Variants in NPAS3 observed in about 807,000 individuals in gnomAD.
The protein encoded by NPAS3 is neuronal PAS domain-containing protein 3.
In NPAS3, 14 loss-of-function variants were observed where a neutral mutation model predicts 73.1. The ratio of observed to expected loss-of-function variants is 0.19; its 90% CI spans 0.13 to 0.30. NPAS3 has a LOEUF of 0.30. NPAS3 is among the 10% of genes least tolerant of loss of function. The pLI, the probability that NPAS3 is intolerant of heterozygous loss-of-function variation, is 1.00. For missense variants in NPAS3, 1,096 were observed against 1,250.0 expected, an observed-to-expected ratio of 0.88 and a Z score of 1.86; for synonymous variants, 620 against 541.5, an observed-to-expected ratio of 1.14 and a Z score of -2.01.
At chr14:33,418,657 A>G (rs1224334182) in intron 4 of NPAS3, among the ~76,000 whole-genome samples, 1 of 126,798 alleles carries the variant, frequency 7.9e-6, no homozygotes, top group African/African-American at 3.4e-5. Flanking sequence ...AATATCCTCC[A>G]TTTTTTATTT....
At chr14:32,936,448 C>G (rs1027696339), upstream of NPAS3, among the ~76,000 whole-genome samples, 2 of 152,070 alleles carry the variant, frequency 1.3e-5, no homozygotes, top group Non-Finnish European at 2.9e-5. Context: ...GGGACTCTTT[C>G]AAACATGAAA....
rs557692230 is a variant in NPAS3, at chr14:33,297,324, A to G, written c.386-69862A>G. 1.2e-4 allele frequency among the ~76,000 whole-genome samples: 18 copies of G among 152,330 alleles called. No individual in the cohort carries two copies. In the East Asian group the frequency reaches 3.3e-3, roughly 28 times the overall value. On this transcript the variant is annotated intron_variant, in intron 3 of 11. Coordinates refer to ENST00000356141, the Ensembl canonical transcript of NPAS3. ...TACAAAACATTTAGATTTATGCTAT[A>G]TAATGTATCATAAGCTCCCAGTAGA...
intron 3 of NPAS3, among the ~76,000 whole-genome samples, chr14:33,318,685 C>T (rs1375157473): frequency 6.6e-6 from 1 of 151,982 alleles, no homozygotes; most frequent in African/African-American, 2.4e-5. Context: ...CTTTATTATA[C>T]TTCTGAAATT....
chr14:33,389,932 G>T (rs1454446404), intron 4 of NPAS3, among the ~76,000 whole-genome samples: 1 of 152,114 alleles, frequency 6.6e-6, no homozygotes, highest in Non-Finnish European at 1.5e-5. Context: ...GTCGCATTCT[G>T]ATAGTGACAT....
intron 10 of NPAS3, 72 bp downstream of exon 10, chr14:33,794,116 A>C: frequency 7.6e-7 from 1 of 1,320,844 alleles, no homozygotes; most frequent in African/African-American, 1.4e-5. Context: ...GCTATGGTTA[A>C]TAGCCGACAT....
At chr14:33,206,969 G>A (rs2046842987) in intron 2 of NPAS3, among the ~76,000 whole-genome samples, 1 of 152,070 alleles carries the variant, frequency 6.6e-6, no homozygotes, top group Non-Finnish European at 1.5e-5. Flanking sequence ...GACTCTTGTT[G>A]CTGTTAATGG....
At chr14:32,977,921 T>A (rs1038165143) in intron 1 of NPAS3, among the ~76,000 whole-genome samples, 7 of 152,344 alleles carry the variant, frequency 4.6e-5, no homozygotes, top group Middle Eastern at 3.4e-3. Flanking sequence ...TAGGTCTGGG[T>A]AATTTGAAGA....
chr14:32,938,476 A>AAAGT (rs1380337048), upstream of NPAS3, among the ~76,000 whole-genome samples: 15 of 113,534 alleles, frequency 1.3e-4, no homozygotes, highest in Non-Finnish European at 1.7e-4. Flanking sequence ...AGAGAGAGAG[A>AAAGT]GAGAGAAATT....
At chr14:32,939,301 A>G (rs368874715), upstream of NPAS3, 2 of 729,136 alleles carry the variant, frequency 2.7e-6, no homozygotes, top group East Asian at 6.7e-5. Context: ...AAGAGAGGAA[A>G]AAAAATAGCA....
chr14:32,935,043 C>G, upstream of NPAS3: 1 of 1,217,706 alleles, frequency 8.2e-7, no homozygotes, highest in Non-Finnish European at 1.0e-6. Flanking sequence ...GCCCCCGCCC[C>G]GGGGTGCTGG....
At chr14:33,064,537 A>G (rs1186601504) in intron 2 of NPAS3, among the ~76,000 whole-genome samples, 1 of 151,968 alleles carries the variant, frequency 6.6e-6, no homozygotes, top group East Asian at 1.9e-4. Context: ...ATATTCTTGG[A>G]ATTTCTTTCA....
At chr14:33,066,047 T>C (rs1486774846) in intron 2 of NPAS3, among the ~76,000 whole-genome samples, 1 of 152,108 alleles carries the variant, frequency 6.6e-6, no homozygotes, top group Non-Finnish European at 1.5e-5. Flanking sequence ...TGGTGAAGAA[T>C]ATATTTTATG....
chr14:33,279,686 C>A (rs906867845), intron 3 of NPAS3, among the ~76,000 whole-genome samples: 2 of 152,074 alleles, frequency 1.3e-5, no homozygotes, highest in African/African-American at 4.8e-5. Context: ...AGCTTTTTAG[C>A]ATAACTCGGA....
intron 5 of NPAS3, among the ~76,000 whole-genome samples, chr14:33,642,246 G>A (rs924642396): frequency 1.3e-5 from 2 of 152,080 alleles, no homozygotes; most frequent in Non-Finnish European, 2.9e-5. Flanking sequence ...GGTCAGAGCC[G>A]CTGTAATGGC....
chr14:33,235,497 C>G (rs1213692124), intron 3 of NPAS3, among the ~76,000 whole-genome samples: 1 of 152,006 alleles, frequency 6.6e-6, no homozygotes, highest in African/African-American at 2.4e-5. Flanking sequence ...TTGACGAATC[C>G]TCTTTGGTGT....
intron 2 of NPAS3, among the ~76,000 whole-genome samples, chr14:33,124,499 A>G (rs2043353903): frequency 6.6e-6 from 1 of 152,136 alleles, no homozygotes; most frequent in Admixed American, 6.5e-5. Flanking sequence ...ATTAAATTCA[A>G]TATCATGTAG....
chr14:33,684,113 A>AAGAT (rs1318170475), intron 6 of NPAS3, among the ~76,000 whole-genome samples: 4 of 152,002 alleles, frequency 2.6e-5, no homozygotes, highest in Admixed American at 6.6e-5. Flanking sequence ...ATGGAAAAAG[A>AAGAT]AGATAGATAG....
intron 1 of NPAS3, among the ~76,000 whole-genome samples, chr14:32,996,382 C>G (rs376175334): frequency 6.6e-6 from 1 of 152,292 alleles, no homozygotes; most frequent in Admixed American, 6.5e-5. Context: ...CAGAAATTTG[C>G]ATAAATAACG....
chr14:33,054,309 C>A (rs1244984959), intron 1 of NPAS3, among the ~76,000 whole-genome samples: 1 of 152,080 alleles, frequency 6.6e-6, no homozygotes, highest in Non-Finnish European at 1.5e-5. Context: ...CAATAATCAA[C>A]ATGGGGCTTA....
Sources: gnomAD v4.1 joint callset for allele counts (sites outside exome capture counted in the v4.1 genomes callset) on GRCh38, gnomAD v4.1.1 for gene constraint, MANE v1.5 for transcripts, NCBI Gene and HGNC (gene_info 2026-07-23, HGNC 2026-07-21) for gene names.